The following MAL variants were observed in gnomAD, a reference collection of about 807,000 sequenced individuals.
MAL encodes myelin and lymphocyte protein.
In MAL, 5 loss-of-function variants were observed where a neutral mutation model predicts 16.7. The observed-to-expected ratio is 0.30, with a 90% confidence interval of 0.16 to 0.63. The LOEUF is 0.63. Ranked by LOEUF, MAL falls within the 30% of genes least tolerant of loss-of-function variation. The pLI, the probability that MAL is intolerant of heterozygous loss-of-function variation, is 0.82. For synonymous variants in MAL, 96 were observed against 85.5 expected, an observed-to-expected ratio of 1.12 and a Z score of -0.67; for missense variants, 202 against 195.8, an observed-to-expected ratio of 1.03 and a Z score of -0.19.
intron 1 of MAL, among the ~76,000 whole-genome samples, chr2:95,039,450 G>GAC: frequency 1.3e-5 from 2 of 149,396 alleles, no homozygotes. Context: ...GTGAGTGAGT[G>GAC]AGTGAGTGAG....
chr2:95,049,540 C>T (rs755962876), intron 2 of MAL, 41 bp from the exon 3 acceptor site: 1 of 1,609,316 alleles, frequency 6.2e-7, no homozygotes, highest in African/African-American at 1.3e-5. Flanking sequence ...TGGGCCCCGT[C>T]TCTCTCTCCC....
chr2:95,034,126 C>T (rs956827800), intron 1 of MAL, among the ~76,000 whole-genome samples: 4 of 152,362 alleles, frequency 2.6e-5, no homozygotes, highest in African/African-American at 9.6e-5. Context: ...GTTCCATTCT[C>T]AGGCAGGTGC....
In MAL at chr2:95,025,807, G is replaced by A; in HGVS notation, c.15G>A (p.Ala5=). 1.3e-6 allele frequency: 2 copies of A among 1,559,406 alleles called. No individual in the cohort carries two copies. Among genetic ancestry groups the A allele is most frequent in the Non-Finnish European group, 1.7e-6 (2 of 1,153,094 alleles). The part of the protein sequence containing the change: MAPA[A]ATGGSTLPSG... The stretch of plus-strand genomic sequence containing the variant: ...AGCACGCCGTCATGGCCCCCGCAGC[G>A]GCGACGGGGGGCAGCACCCTGCCCA... The change falls in exon 1 of 4, where the codon GCG becomes GCA. Residue 5 remains alanine (A), a synonymous_variant. Coordinates refer to ENST00000309988, the MANE Select transcript of MAL (RefSeq NM_002371.4). The surrounding 1 kb of genome is among the most constrained non-coding windows in gnomAD (Gnocchi z 5.6).
intron 1 of MAL, among the ~76,000 whole-genome samples, chr2:95,046,533 G>A (rs1021802885): frequency 1.3e-5 from 2 of 152,198 alleles, no homozygotes; most frequent in African/African-American, 2.4e-5. Context: ...GGTGGGGAGC[G>A]GGTTTGTATG....
chr2:95,049,844 G>C, intron 3 of MAL, 138 bp downstream of exon 3: 1 of 1,284,272 alleles, frequency 7.8e-7, no homozygotes, highest in African/African-American at 1.5e-5. Flanking sequence ...CTTCATGCCT[G>C]GAGCAGGAAA....
In MAL at chr2:95,053,498, T is replaced by G. The variant is rs1356848536; in HGVS notation, c.*43T>G. 6.9e-7 allele frequency: 1 copy of G among 1,443,040 alleles called. No homozygotes were observed. The highest frequency in any genetic ancestry group is 9.8e-7 in the Non-Finnish European group (1 of 1,024,966). 89.4% of individuals were successfully genotyped at this position (1,443,040 alleles called of 1,614,324 possible). The stretch of plus-strand genomic sequence containing the variant: ...AGCTGAAAACCCAGATGGTGTTAAC[T>G]GGCCGCCCCACTTTCCGGCATAACT... On this transcript the variant is annotated 3_prime_UTR_variant, in exon 4 of 4. Coordinates refer to ENST00000309988, the MANE Select transcript of MAL (RefSeq NM_002371.4).
intron 1 of MAL, among the ~76,000 whole-genome samples, chr2:95,045,145 C>A (rs1236867845): frequency 6.6e-6 from 1 of 152,226 alleles, no homozygotes; most frequent in Non-Finnish European, 1.5e-5. Flanking sequence ...ACACCTGGCT[C>A]CACCCTGAGC....
Position 95,053,599 on chromosome 2 carries a change from C to T in MAL, c.*144C>T. ...CCCCCACTGCCCAAAAAAAAAAGCC[C>T]TGCCCTGTTGCTCGTGGGTGCTGTG... On this transcript the variant is annotated 3_prime_UTR_variant, in exon 4 of 4. Transcript: ENST00000309988. 1.5e-6 allele frequency: 1 copy of T among 662,050 alleles called. No homozygotes were observed. Among genetic ancestry groups the T allele is most frequent in the Non-Finnish European group, 2.6e-6 (1 of 386,060 alleles). 41.0% of individuals were successfully genotyped at this position (662,050 alleles called of 1,614,324 possible).
intron 1 of MAL, among the ~76,000 whole-genome samples, chr2:95,038,277 T>C (rs1237425274): frequency 6.6e-6 from 1 of 150,510 alleles, no homozygotes; most frequent in African/African-American, 2.5e-5. Flanking sequence ...AGAGACTGAG[T>C]GACCGAGTGG....
chr2:95,037,194 T>A (rs1674242816), intron 1 of MAL, among the ~76,000 whole-genome samples: 2 of 149,488 alleles, frequency 1.3e-5, no homozygotes, highest in African/African-American at 5.0e-5. Context: ...ACTGAGTGAC[T>A]GAGTAGGTGA....
intron 1 of MAL, among the ~76,000 whole-genome samples, chr2:95,036,350 C>T (rs917236501): frequency 8.5e-5 from 13 of 152,304 alleles, no homozygotes; most frequent in South Asian, 8.3e-4. Context: ...TGCCAACTAC[C>T]GGGCTCTGTA....
At chr2:95,046,534 G>A (rs904655751) in intron 1 of MAL, among the ~76,000 whole-genome samples, 22 of 152,132 alleles carry the variant, frequency 1.4e-4, no homozygotes, top group African/African-American at 4.3e-4. Flanking sequence ...GTGGGGAGCG[G>A]GTTTGTATGT....
chr2:95,046,876 G>GGA (rs973472594), intron 1 of MAL, among the ~76,000 whole-genome samples: 2 of 142,186 alleles, frequency 1.4e-5, no homozygotes, highest in African/African-American at 2.6e-5. Flanking sequence ...AAAGAGAAAG[G>GGA]GAGAGAGAGA....
In MAL at chr2:95,053,801, G is replaced by A. The variant is rs774566595; in HGVS notation, c.*346G>A. On this transcript the variant is annotated 3_prime_UTR_variant, in exon 4 of 4. Coordinates refer to ENST00000309988, the MANE Select transcript of MAL (RefSeq NM_002371.4). Reference sequence around the variant, plus strand: ...GAAAGATCCTCTGCTGACCCCTGGAGCAGCTCTCGAGAACTACCTGTTGGT... The same window carrying A: ...GAAAGATCCTCTGCTGACCCCTGGAACAGCTCTCGAGAACTACCTGTTGGT... 1.5e-5 allele frequency: 4 copies of A among 273,188 alleles called. No homozygotes were observed. Among genetic ancestry groups the A allele is most frequent in the Non-Finnish European group, 2.8e-5 (4 of 141,406 alleles). The allele number at this position is 273,188 out of a possible 1,614,324, so 16.9% of individuals were successfully genotyped here. A position where few individuals can be genotyped will look rare whatever the true frequency, so the allele number is the denominator to read the frequency against.
chr2:95,053,740 G>A lies in MAL; in HGVS notation c.*285G>A. The A allele has an allele frequency of 4.9e-6, 2 of 411,380 alleles. No individual in the cohort carries two copies. Among genetic ancestry groups the A allele is most frequent in the South Asian group, 8.2e-5 (2 of 24,496 alleles). 25.5% of individuals were successfully genotyped at this position (411,380 alleles called of 1,614,324 possible). On this transcript the variant is annotated 3_prime_UTR_variant, in exon 4 of 4. Transcript: ENST00000309988. ...TTGTGAAAGGGGACCTTCTTGTTCG[G>A]GGGTGGGAAGTGGCGACCGTGACCT...
chr2:95,039,936 C>T (rs753166229), intron 1 of MAL, among the ~76,000 whole-genome samples: 5 of 152,118 alleles, frequency 3.3e-5, no homozygotes, highest in Non-Finnish European at 7.4e-5. Flanking sequence ...GGGGAAGAGC[C>T]GCAGGACTTT....
At chr2:95,033,905 G>A (rs188338196) in intron 1 of MAL, among the ~76,000 whole-genome samples, 12 of 152,360 alleles carry the variant, frequency 7.9e-5, no homozygotes, top group Middle Eastern at 3.4e-3. Context: ...CTGTGGGAAC[G>A]TGGGCAGGTA....
At chr2:95,030,543 C>A (rs745447844) in intron 1 of MAL, among the ~76,000 whole-genome samples, 10 of 152,186 alleles carry the variant, frequency 6.6e-5, no homozygotes, top group African/African-American at 2.4e-4. Context: ...TCAGCTGGGG[C>A]CCCCAGATGC....
At chr2:95,032,525 C>T (rs1244462682) in intron 1 of MAL, among the ~76,000 whole-genome samples, 10 of 152,202 alleles carry the variant, frequency 6.6e-5, no homozygotes, top group Non-Finnish European at 1.3e-4. Flanking sequence ...TGATAGGACA[C>T]CCCAGAGGGT....
Sources: gnomAD v4.1 joint callset for allele counts (sites outside exome capture counted in the v4.1 genomes callset) on GRCh38, gnomAD v4.1.1 for gene constraint, Gnocchi (gnomAD v3.1) non-coding constraint, MANE v1.5 for transcripts, NCBI Gene and HGNC (gene_info 2026-07-23, HGNC 2026-07-21) for gene names.